Variants in GPC5 observed in about 807,000 individuals in gnomAD.
The protein encoded by GPC5 is glypican 5.
Under a neutral mutation model 53.9 loss-of-function variants are expected in GPC5, and 47 were observed. The observed-to-expected ratio is 0.87, with a 90% confidence interval of 0.69 to 1.11. GPC5 has a LOEUF of 1.11. Among genes scored for constraint, GPC5 ranks in the 50% most tolerant of loss-of-function variants. The pLI, the probability that GPC5 is intolerant of heterozygous loss-of-function variation, is 0.00. For synonymous variants in GPC5, 286 were observed against 263.3 expected (o/e 1.09, Z -0.84); for missense variants, 748 against 713.1 (o/e 1.05, Z -0.56).
chr13:91,684,302 G>C (rs1166475307), intron 2 of GPC5, among the ~76,000 whole-genome samples: 2 of 152,030 alleles, frequency 1.3e-5, no homozygotes, highest in East Asian at 3.9e-4. Context: ...AACTTTTCCT[G>C]AGACTCCAAT....
chr13:92,567,715 A>G (rs1319895433), intron 7 of GPC5, among the ~76,000 whole-genome samples: 1 of 152,050 alleles, frequency 6.6e-6, no homozygotes, highest in Non-Finnish European at 1.5e-5. Context: ...GAACATGGGG[A>G]ATTTTCCTTT....
At chr13:91,874,681 ATAAG>A (rs2138937628) in intron 5 of GPC5, among the ~76,000 whole-genome samples, 1 of 152,322 alleles carries the variant, frequency 6.6e-6, no homozygotes, top group South Asian at 2.1e-4. Context: ...TAGGCAAGAA[ATAAG>A]GCAACCAAAC....
chr13:91,652,967 G>T (rs1028993938), intron 2 of GPC5, among the ~76,000 whole-genome samples: 10 of 152,134 alleles, frequency 6.6e-5, no homozygotes, highest in African/African-American at 1.9e-4. Context: ...TTGTTGACGT[G>T]CTGATCAACG....
intron 6 of GPC5, among the ~76,000 whole-genome samples, chr13:92,002,193 C>A (rs1046273835): frequency 9.9e-5 from 15 of 151,774 alleles, no homozygotes; most frequent in Admixed American, 7.2e-4. Context: ...CCTACATATA[C>A]CTAAGGACAC....
intron 2 of GPC5, among the ~76,000 whole-genome samples, chr13:91,485,206 T>C (rs1485584374): frequency 2.2e-5 from 3 of 136,932 alleles, no homozygotes. Flanking sequence ...CATCATAATC[T>C]TGGTCCCTTT....
intron 7 of GPC5, among the ~76,000 whole-genome samples, chr13:92,865,793 A>C (rs940373632): frequency 1.3e-5 from 2 of 152,160 alleles, no homozygotes; most frequent in South Asian, 4.1e-4. Flanking sequence ...AAAAATGAAA[A>C]TAAATTTGAA....
At chr13:91,500,535 A>G (rs1489644394) in intron 2 of GPC5, among the ~76,000 whole-genome samples, 2 of 152,180 alleles carry the variant, frequency 1.3e-5, no homozygotes, top group African/African-American at 4.8e-5. Flanking sequence ...CCATGCATAC[A>G]CTATGTAGCT....
chr13:92,502,229 T>C (rs9561079), intron 7 of GPC5, among the ~76,000 whole-genome samples: 117,809 of 151,904 alleles, frequency 0.78, 45,693 homozygotes, highest in Middle Eastern at 0.81. Context: ...GAGATACAGC[T>C]GAATGTGCAG....
At chr13:92,635,314 C>A (rs1329224930) in intron 7 of GPC5, among the ~76,000 whole-genome samples, 1 of 152,060 alleles carries the variant, frequency 6.6e-6, no homozygotes, top group African/African-American at 2.4e-5. Context: ...AACAGAATAC[C>A]ACAGACTGGG....
chr13:92,139,338 A>C (rs936925337), intron 6 of GPC5, among the ~76,000 whole-genome samples: 1 of 152,188 alleles, frequency 6.6e-6, no homozygotes, highest in Non-Finnish European at 1.5e-5. Flanking sequence ...AACCAAGGCT[A>C]TGCCTTCTCT....
chr13:92,016,861 T>C (rs2040712198), intron 6 of GPC5, among the ~76,000 whole-genome samples: 1 of 152,052 alleles, frequency 6.6e-6, no homozygotes, highest in East Asian at 1.9e-4. Context: ...TCTCCACTAA[T>C]ATCATCCTGC....
chr13:92,431,320 C>T (rs181818238), intron 7 of GPC5, among the ~76,000 whole-genome samples: 1 of 148,806 alleles, frequency 6.7e-6, no homozygotes, highest in Admixed American at 6.7e-5. Flanking sequence ...GTAATGATTA[C>T]TACAATTAAG....
intron 6 of GPC5, among the ~76,000 whole-genome samples, chr13:92,075,356 A>G (rs1160485458): frequency 6.6e-6 from 1 of 152,222 alleles, no homozygotes; most frequent in Admixed American, 6.5e-5. Flanking sequence ...TAACATTAGC[A>G]ACAAAACAGC....
chr13:91,535,859 AAT>A (rs1886568301), intron 2 of GPC5, among the ~76,000 whole-genome samples: 1 of 152,176 alleles, frequency 6.6e-6, no homozygotes, highest in South Asian at 2.1e-4. Flanking sequence ...ATTCACTAAT[AAT>A]AATAATAACT....
rs141154004 is a variant in GPC5 at position 92,339,085 on chromosome 13, C to T, written c.1561+194096C>T. 7.0e-4 allele frequency among the ~76,000 whole-genome samples: 107 copies of T among 151,884 alleles called. 3 individuals are homozygous for T. In the East Asian group the frequency reaches 0.02, roughly 29 times the overall value. Reference sequence around the variant, plus strand: ...GTATTAAGTGATGGCTTGACATAAGCTAGATCATCTCAAAATATTTCTAGT... The same window carrying T: ...GTATTAAGTGATGGCTTGACATAAGTTAGATCATCTCAAAATATTTCTAGT... On this transcript the variant is annotated intron_variant, in intron 7 of 7. Coordinates refer to ENST00000377067, the MANE Select transcript of GPC5 (RefSeq NM_004466.6).
intron 6 of GPC5, among the ~76,000 whole-genome samples, chr13:91,919,227 GACT>G (rs1477763889): frequency 4.6e-5 from 7 of 152,078 alleles, no homozygotes; most frequent in Non-Finnish European, 1.0e-4. Context: ...TGCTATTTGA[GACT>G]ACTACCAATT....
chr13:92,239,704 T>A (rs1478174044), intron 7 of GPC5: 1 of 152,040 alleles, frequency 6.6e-6, no homozygotes, highest in East Asian at 1.9e-4. Context: ...TTATAATCTC[T>A]ATCTTACCTT....
chr13:91,866,742 A>T (rs564491817), intron 5 of GPC5, among the ~76,000 whole-genome samples: 34 of 152,334 alleles, frequency 2.2e-4, no homozygotes, highest in South Asian at 4.1e-4. Context: ...CAGTTTTGAC[A>T]TTATGAACCT....
intron 7 of GPC5, among the ~76,000 whole-genome samples, chr13:92,752,982 C>G (rs1047452355): frequency 1.2e-3 from 176 of 152,262 alleles, no homozygotes; most frequent in African/African-American, 4.1e-3. Context: ...CTGGGTGGAG[C>G]CCACCACAGC....
Sources: allele counts gnomAD v4.1 joint callset (sites outside exome capture counted in the v4.1 genomes callset), GRCh38; gene constraint gnomAD v4.1.1; transcripts MANE v1.5; gene names NCBI Gene and HGNC (gene_info 2026-07-23, HGNC 2026-07-21).